Variants in FAM83B observed in about 807,000 individuals in gnomAD.
FAM83B encodes the protein scaffolding CK1 anchoring protein B.
In FAM83B, 26 loss-of-function variants were observed where a neutral mutation model predicts 38.8. That is an observed-to-expected ratio of 0.67 (90% confidence interval 0.49 to 0.93). The LOEUF (loss-of-function observed/expected upper bound fraction) is 0.93. Ranked by LOEUF, FAM83B falls within the 40% of genes least tolerant of loss-of-function variation. The probability of loss-of-function intolerance (pLI) is 0.00; values close to 1 mark genes in which losing one functional copy is unlikely to be tolerated. For missense variants in FAM83B, 1,237 were observed against 1,197.3 expected (o/e 1.03, Z -0.49); for synonymous variants, 419 against 423.1 (o/e 0.99, Z 0.12).
At chr6:54,857,819 G>A (rs1771477578) in intron 1 of FAM83B, among the ~76,000 whole-genome samples, 1 of 152,172 alleles carries the variant, frequency 6.6e-6, no homozygotes, top group African/African-American at 2.4e-5. Context: ...ATGGCAGAGA[G>A]AGTGGGCACT....
intron 2 of FAM83B, among the ~76,000 whole-genome samples, chr6:54,901,585 G>T (rs2127582337): frequency 6.6e-6 from 1 of 152,144 alleles, no homozygotes; most frequent in African/African-American, 2.4e-5. Flanking sequence ...AAATTTCATT[G>T]TTTCCCTTAT....
intron 1 of FAM83B, among the ~76,000 whole-genome samples, chr6:54,862,876 C>G (rs561830441): frequency 7.9e-5 from 12 of 151,620 alleles, no homozygotes; most frequent in Middle Eastern, 6.8e-3. Context: ...AAAACCCCCC[C>G]CCAAAAAAAC....
chr6:54,857,960 G>T (rs1456864080), intron 1 of FAM83B, among the ~76,000 whole-genome samples: 2 of 152,294 alleles, frequency 1.3e-5, no homozygotes, highest in African/African-American at 2.4e-5. Flanking sequence ...ATTAACTCAG[G>T]ATGTTAGGTG....
chr6:54,867,681 G>A (rs1771743992), intron 1 of FAM83B, among the ~76,000 whole-genome samples: 1 of 151,680 alleles, frequency 6.6e-6, no homozygotes, highest in Non-Finnish European at 1.5e-5. Flanking sequence ...TGGTCCTTTC[G>A]AGGTCTGTGA....
intron 2 of FAM83B, among the ~76,000 whole-genome samples, chr6:54,891,037 TCTC>T (rs1255976860): frequency 1.3e-5 from 2 of 152,130 alleles, no homozygotes; most frequent in Non-Finnish European, 1.5e-5. Flanking sequence ...TATGGTTACT[TCTC>T]CTCTGTGTTC....
intron 1 of FAM83B, among the ~76,000 whole-genome samples, chr6:54,850,343 C>T (rs866390924): frequency 6.6e-6 from 1 of 152,048 alleles, no homozygotes; most frequent in African/African-American, 2.4e-5. Flanking sequence ...TGTGTCCCAC[C>T]CACACTGCTC....
chr6:54,860,019 A>G (rs1451352936), intron 1 of FAM83B, among the ~76,000 whole-genome samples: 1 of 150,142 alleles, frequency 6.7e-6, no homozygotes, highest in Non-Finnish European at 1.5e-5. Context: ...CTGTAGAACC[A>G]CTACTCAAAG....
intron 1 of FAM83B, among the ~76,000 whole-genome samples, chr6:54,856,478 G>C (rs1392481806): frequency 6.6e-6 from 1 of 152,190 alleles, no homozygotes; most frequent in Non-Finnish European, 1.5e-5. Context: ...CAATTGTAGA[G>C]AGAGAAAGCT....
intron 2 of FAM83B, among the ~76,000 whole-genome samples, chr6:54,910,374 C>T (rs1285476425): frequency 6.6e-6 from 1 of 152,186 alleles, no homozygotes; most frequent in Non-Finnish European, 1.5e-5. Flanking sequence ...ATTCATTGTT[C>T]TACATCCTTT....
intron 4 of FAM83B, among the ~76,000 whole-genome samples, chr6:54,929,600 A>G (rs1234411779): frequency 2.0e-5 from 3 of 152,152 alleles, no homozygotes; most frequent in South Asian, 2.1e-4. Context: ...CATGAGCTCA[A>G]TGAAAGTTAC....
chr6:54,876,330 T>C (rs1385957337), intron 2 of FAM83B, among the ~76,000 whole-genome samples: 4 of 143,382 alleles, frequency 2.8e-5, no homozygotes, highest in African/African-American at 1.0e-4. Flanking sequence ...TGTTTTTGTT[T>C]TTTTTTTTTT....
intron 2 of FAM83B, among the ~76,000 whole-genome samples, chr6:54,893,732 TAGAG>T (rs1394397778): frequency 6.6e-6 from 1 of 152,144 alleles, no homozygotes; most frequent in Non-Finnish European, 1.5e-5. Flanking sequence ...TATATATAGA[TAGAG>T]AGGGGAAATG....
At chr6:54,924,188 TACACACAC>T (rs59997305) in intron 2 of FAM83B, among the ~76,000 whole-genome samples, 41 of 147,900 alleles carry the variant, frequency 2.8e-4, no homozygotes, top group Non-Finnish European at 4.8e-4. Context: ...TATTCATTTA[TACACACAC>T]ACACACACAC....
chr6:54,919,506 C>T (rs1166168407), intron 2 of FAM83B, among the ~76,000 whole-genome samples: 1 of 151,924 alleles, frequency 6.6e-6, no homozygotes, highest in East Asian at 1.9e-4. Context: ...TTTTTCCCCC[C>T]ACTTTCACCA....
In FAM83B at chr6:54,870,609, A is replaced by G; in HGVS notation, c.363A>G (p.Ile121Met). The change falls in exon 2 of 5, where the codon ATA becomes ATG. Residue 121 changes from isoleucine to methionine, a missense_variant. Physicochemically the swap from Ile to Met is conservative, Grantham distance 10 (BLOSUM62 1). Transcript: ENST00000306858. ...CCGGACTCTTAGGGGGCACCCATAT[A>G]GATCTCCTTTTTCATCCACCAAGAG... ...VMPGLLGGTHIDLLFHPPRAH... is the reference protein window; with the variant it reads ...VMPGLLGGTHMDLLFHPPRAH... The G allele has an allele frequency of 1.2e-6, 2 of 1,614,034 alleles. No individual in the cohort carries two copies. Among genetic ancestry groups the G allele is most frequent in the Non-Finnish European group, 1.7e-6 (2 of 1,179,966 alleles).
intron 2 of FAM83B, among the ~76,000 whole-genome samples, chr6:54,872,680 T>C (rs970327863): frequency 1.3e-5 from 2 of 152,190 alleles, no homozygotes; most frequent in Admixed American, 6.5e-5. Context: ...TATTTTTCTT[T>C]CTAATGTGGC....
intron 2 of FAM83B, among the ~76,000 whole-genome samples, chr6:54,918,155 G>C (rs1400553302): frequency 6.6e-6 from 1 of 152,094 alleles, no homozygotes; most frequent in African/African-American, 2.4e-5. Context: ...TGAAGTATTA[G>C]AATACTATAA....
At chr6:54,895,898 G>GT (rs1772520837) in intron 2 of FAM83B, among the ~76,000 whole-genome samples, 1 of 151,362 alleles carries the variant, frequency 6.6e-6, no homozygotes, top group Non-Finnish European at 1.5e-5. Flanking sequence ...GTTTTGTTTT[G>GT]TTTTTTAGAT....
chr6:54,860,225 C>T (rs964212003), intron 1 of FAM83B, among the ~76,000 whole-genome samples: 2 of 151,932 alleles, frequency 1.3e-5, no homozygotes. Flanking sequence ...TTTGTTTTTG[C>T]ATTTGAATAG....
Sources: allele counts gnomAD v4.1 joint callset (sites outside exome capture counted in the v4.1 genomes callset), GRCh38; gene constraint gnomAD v4.1.1; transcripts MANE v1.5; gene names NCBI Gene and HGNC (gene_info 2026-07-23, HGNC 2026-07-21).